Variants in CDH13 observed in about 807,000 individuals in gnomAD.
CDH13 encodes the protein cadherin 13.
A neutral mutation model predicts 63.8 loss-of-function variants in CDH13; 24 were observed. The observed-to-expected ratio is 0.38, with a 90% CI of 0.27 to 0.53. The LOEUF (loss-of-function observed/expected upper bound fraction) is 0.53, where lower values mean the gene tolerates loss of function less well. Among genes scored for constraint, CDH13 ranks in the 20% least tolerant of loss-of-function variants. The pLI is 0.85. For missense variants in CDH13, 1,049 were observed against 903.1 expected (o/e 1.16, Z -2.07); for synonymous variants, 503 against 355.3 (o/e 1.42, Z -4.67).
chr16:82,927,126 T>A (rs2042328954), intron 2 of CDH13, among the ~76,000 whole-genome samples: 1 of 152,132 alleles, frequency 6.6e-6, no homozygotes, highest in Non-Finnish European at 1.5e-5. Context: ...CCTCTCCACG[T>A]GGCTGCTTGG....
At chr16:82,792,286 T>C (rs1326797149) in intron 1 of CDH13, among the ~76,000 whole-genome samples, 1 of 152,198 alleles carries the variant, frequency 6.6e-6, no homozygotes, top group Non-Finnish European at 1.5e-5. Flanking sequence ...ACTTACTCAT[T>C]CAATCATTTA....
At chr16:83,391,985 C>G (rs577807348) in intron 6 of CDH13, among the ~76,000 whole-genome samples, 1 of 152,188 alleles carries the variant, frequency 6.6e-6, no homozygotes, top group African/African-American at 2.4e-5. Context: ...TGGGGCAACT[C>G]TATGTAGTCA....
At chr16:83,619,567 G>C (rs1909615843) in intron 8 of CDH13, among the ~76,000 whole-genome samples, 1 of 152,210 alleles carries the variant, frequency 6.6e-6, no homozygotes, top group African/African-American at 2.4e-5. Context: ...TTTGATGCCT[G>C]TCCCCACACT....
chr16:82,940,473 T>C (rs778936843), intron 2 of CDH13, among the ~76,000 whole-genome samples: 7 of 152,172 alleles, frequency 4.6e-5, no homozygotes, highest in Non-Finnish European at 2.9e-5. Flanking sequence ...AATTACTCCA[T>C]AGATTGATTT....
At chr16:82,686,507 C>T (rs1472869853) in intron 1 of CDH13, among the ~76,000 whole-genome samples, 3 of 152,250 alleles carry the variant, frequency 2.0e-5, no homozygotes, top group Admixed American at 6.5e-5. Flanking sequence ...GGCAGCAGTG[C>T]GATGCATGGG....
At chr16:82,907,802 G>C (rs2041698069) in intron 2 of CDH13, among the ~76,000 whole-genome samples, 1 of 152,152 alleles carries the variant, frequency 6.6e-6, no homozygotes, top group South Asian at 2.1e-4. Flanking sequence ...CCACTTGAGT[G>C]AGCACTCTGT....
At position 83,133,878 on chromosome 16, in the gene CDH13, C is replaced by T. The variant is rs573628652; in HGVS notation, c.483+8377C>T. 5.9e-5 allele frequency among the ~76,000 whole-genome samples: 9 copies of T among 152,326 alleles called. No homozygotes were observed. In the East Asian group the frequency reaches 1.3e-3, roughly 23 times the overall value. On this transcript the variant is annotated intron_variant, in intron 4 of 13. Coordinates refer to ENST00000567109, the MANE Select transcript of CDH13 (RefSeq NM_001257.5). ...TTAACACATTTTGAGAGACAATGTC[C>T]TTCCCTGCCTTCCCACTAACTGTAA...
chr16:83,053,494 G>C (rs942357415), intron 3 of CDH13, among the ~76,000 whole-genome samples: 1 of 152,090 alleles, frequency 6.6e-6, no homozygotes, highest in East Asian at 1.9e-4. Flanking sequence ...AAGCACATGA[G>C]AACCCAGGAG....
intron 8 of CDH13, among the ~76,000 whole-genome samples, chr16:83,643,206 C>T (rs1474238214): frequency 1.0e-4 from 7 of 67,332 alleles, no homozygotes; most frequent in East Asian, 5.7e-4. Flanking sequence ...GTGGGTGCAG[C>T]GCACCAGCAT....
At chr16:83,558,151 C>T (rs900310827) in intron 7 of CDH13, among the ~76,000 whole-genome samples, 5 of 152,120 alleles carry the variant, frequency 3.3e-5, no homozygotes, top group African/African-American at 9.7e-5. Context: ...CAGTATGTCA[C>T]CTGTTGTAGA....
At chr16:83,432,314 GT>G (rs1375404061) in intron 6 of CDH13, among the ~76,000 whole-genome samples, 22 of 152,152 alleles carry the variant, frequency 1.4e-4, no homozygotes, top group African/African-American at 5.1e-4. Context: ...TTCTAGTGCT[GT>G]GCCAGGCACA....
intron 1 of CDH13, among the ~76,000 whole-genome samples, chr16:82,632,151 G>C (rs772105303): frequency 6.6e-6 from 1 of 152,132 alleles, no homozygotes; most frequent in African/African-American, 2.4e-5. Flanking sequence ...TAGGCAGGAC[G>C]TGCCTCCGTA....
At chr16:82,708,856 T>C (rs62036344) in intron 1 of CDH13, among the ~76,000 whole-genome samples, 70 of 152,332 alleles carry the variant, frequency 4.6e-4, no homozygotes, top group South Asian at 2.3e-3. Context: ...AAGTACTCTG[T>C]GGAGCTGACC....
At chr16:83,181,712 TTCACCCTTGG>T in intron 4 of CDH13, among the ~76,000 whole-genome samples, 1 of 152,272 alleles carries the variant, frequency 6.6e-6, no homozygotes, top group South Asian at 2.1e-4. Context: ...ACCTGGGGTG[TTCACCCTTGG>T]TCCCTGGATG....
At chr16:83,288,477 C>T (rs906076797) in intron 5 of CDH13, among the ~76,000 whole-genome samples, 2 of 152,162 alleles carry the variant, frequency 1.3e-5, no homozygotes, top group Non-Finnish European at 2.9e-5. Context: ...AGAGGCTGAT[C>T]AAGGTCGCAG....
chr16:83,155,518 G>A (rs1007095911), intron 4 of CDH13, among the ~76,000 whole-genome samples: 6 of 152,062 alleles, frequency 3.9e-5, no homozygotes, highest in Admixed American at 6.6e-5. Context: ...CTCTCTCTAG[G>A]TGACTCTTCC....
chr16:83,772,424 A>T (rs932506629), intron 11 of CDH13, among the ~76,000 whole-genome samples: 2 of 152,268 alleles, frequency 1.3e-5, no homozygotes, highest in African/African-American at 4.8e-5. Context: ...CATCCCAGAA[A>T]CACGATAAAT....
intron 7 of CDH13, among the ~76,000 whole-genome samples, chr16:83,499,504 C>G (rs951208975): frequency 6.6e-6 from 1 of 152,226 alleles, no homozygotes; most frequent in African/African-American, 2.4e-5. Flanking sequence ...CAACCAGTAA[C>G]CATAATTATG....
chr16:83,615,316 C>T (rs1909195555), intron 8 of CDH13, among the ~76,000 whole-genome samples: 1 of 152,072 alleles, frequency 6.6e-6, no homozygotes, highest in South Asian at 2.1e-4. Context: ...GAGATTAATC[C>T]AGAAAGCCAA....
Sources: allele counts gnomAD v4.1 joint callset (sites outside exome capture counted in the v4.1 genomes callset), GRCh38; gene constraint gnomAD v4.1.1; transcripts MANE v1.5; gene names NCBI Gene and HGNC (gene_info 2026-07-23, HGNC 2026-07-21).